The following HERC2 variants were observed in gnomAD, a reference collection of about 807,000 sequenced individuals.
The protein encoded by HERC2 is HECT and RLD domain containing E3 ubiquitin protein ligase 2.
HERC2 carries 102 observed loss-of-function variants against 537.7 expected under a neutral mutation model. The ratio of observed to expected loss-of-function variants is 0.19; its 90% CI spans 0.16 to 0.22. The LOEUF (loss-of-function observed/expected upper bound fraction) is 0.22. Among genes scored for constraint, HERC2 ranks in the 10% least tolerant of loss-of-function variants. HERC2 has a pLI of 1.00. For synonymous variants in HERC2, 2,224 were observed against 2,466.2 expected (o/e 0.90, Z 2.91); for missense variants, 4,236 against 6,198.2 (o/e 0.68, Z 10.63).
At position 28,274,963 on chromosome 15, in the gene HERC2, C is replaced by T. The variant is rs200168470; in HGVS notation, c.585G>A (p.Val195=). 1.2e-5 allele frequency: 19 copies of T among 1,609,652 alleles called. No individual in the cohort carries two copies. The highest frequency in any genetic ancestry group is 1.6e-5 in the Non-Finnish European group (19 of 1,179,978). ...AGKGVEGLAR[V]GSRAALSFAF... is the part of the protein sequence containing the mutation. Reference sequence around the variant, plus strand: ...CAAAAGACAGCGCCGCTCGGGATCCCACTCTGGCGAGCCCCTCCACACCTT... The same window carrying T: ...CAAAAGACAGCGCCGCTCGGGATCCTACTCTGGCGAGCCCCTCCACACCTT... Residue 195 remains valine, a synonymous_variant, in exon 6 of 93, where the codon GTG becomes GTA. Coordinates refer to ENST00000261609, the MANE Select transcript of HERC2 (RefSeq NM_004667.6).
chr15:28,319,990 T>C (rs543683518), intron 2 of HERC2: 53 of 152,304 alleles, frequency 3.5e-4, no homozygotes, highest in Middle Eastern at 6.8e-3. Flanking sequence ...CAGATCATTA[T>C]AGCTAAATCA....
At chr15:28,274,852 A>G in intron 6 of HERC2, 53 bp downstream of exon 6, 2 of 1,383,012 alleles carry the variant, frequency 1.4e-6, no homozygotes, top group Non-Finnish European at 2.1e-6. Flanking sequence ...TTCGAAACCC[A>G]GTCTGTTGAT....
At chr15:28,255,445 A>G (rs188327822) in intron 19 of HERC2, among the ~76,000 whole-genome samples, 6 of 151,782 alleles carry the variant, frequency 4.0e-5, no homozygotes, top group South Asian at 4.2e-4. Flanking sequence ...AAAAGAAGTC[A>G]CAATACACAC....
At position 28,245,551 on chromosome 15, in the gene HERC2, A is replaced by G. The variant is rs1329142305; in HGVS notation, c.3577+330T>C. On this transcript the variant is annotated intron_variant, in intron 23 of 92. Coordinates refer to ENST00000261609, the MANE Select transcript of HERC2 (RefSeq NM_004667.6). ...AACAGAGCAAGATGTAGTGTCAAAA[A>G]AAAAAAAAAATATATACACACACAC... is the stretch of plus-strand genomic sequence containing the variant. 4.6e-5 allele frequency among the ~76,000 whole-genome samples: 6 copies of G among 130,598 alleles called. No homozygotes were observed. The Admixed American group carries it at 5.1e-4, about 11-fold the overall frequency. 85.7% of individuals were successfully genotyped at this position (130,598 alleles called of 152,430 possible).
In HERC2 at chr15:28,132,857, G is replaced by A. The variant is rs760634622; in HGVS notation, c.12231-27C>T. ...TGCAAAAAAGTCACCAAATATAATG[G>A]AAACACATTTTTATTCTTAAACATT... On this transcript the variant is annotated intron_variant, in intron 79 of 92. Transcript: ENST00000261609. 54 of 1,495,266 alleles carry A rather than the reference G, an allele frequency of 3.6e-5. No homozygotes were observed. The Middle Eastern group carries it at 5.4e-4, about 15-fold the overall frequency. The allele number at this position is 1,495,266 out of a possible 1,614,324, so 92.6% of individuals were successfully genotyped here.
chr15:28,178,035 A>G (rs914913261), intron 59 of HERC2, among the ~76,000 whole-genome samples: 3 of 152,206 alleles, frequency 2.0e-5, no homozygotes, highest in Non-Finnish European at 4.4e-5. Context: ...CCACTCCTAT[A>G]CAGTGAGTTC....
chr15:28,273,420 G>A (rs1246827179), intron 7 of HERC2, among the ~76,000 whole-genome samples: 2 of 152,306 alleles, frequency 1.3e-5, no homozygotes, highest in Non-Finnish European at 2.9e-5. Context: ...GAGGCAAAAT[G>A]TCAACACTAA....
At position 28,124,411 on chromosome 15, in the gene HERC2, G is replaced by A. The variant is rs77500635; in HGVS notation, c.12991-177C>T. On this transcript the variant is annotated intron_variant, in intron 84 of 92. Coordinates refer to ENST00000261609, the MANE Select transcript of HERC2 (RefSeq NM_004667.6). ...TTTAAAATAATATTCTGTCCAGTTTGACTGTAAAAAAAATTAGTCTATACA... is the reference window on the plus strand; with the variant it reads ...TTTAAAATAATATTCTGTCCAGTTTAACTGTAAAAAAAATTAGTCTATACA... 0.014 allele frequency among the ~76,000 whole-genome samples: 2,157 copies of A among 152,310 alleles called. 149 individuals carry two copies. In the East Asian group the frequency reaches 0.23, roughly 16 times the overall value.
chr15:28,309,187 T>C (rs1428049742), intron 2 of HERC2, among the ~76,000 whole-genome samples: 1 of 152,240 alleles, frequency 6.6e-6, no homozygotes, highest in Non-Finnish European at 1.5e-5. Context: ...TGGTCTACAG[T>C]GCAGATTAAG....
At chr15:28,290,696 A>G (rs1200292068) in intron 4 of HERC2, among the ~76,000 whole-genome samples, 1 of 152,272 alleles carries the variant, frequency 6.6e-6, no homozygotes, top group Admixed American at 6.5e-5. Flanking sequence ...TGAAATAACA[A>G]TTTCCAAATA....
intron 69 of HERC2, among the ~76,000 whole-genome samples, chr15:28,154,518 C>T (rs1481882875): frequency 6.6e-6 from 1 of 152,172 alleles, no homozygotes; most frequent in Admixed American, 6.5e-5. Context: ...TGTGCAGAGT[C>T]GATCAGGGGC....
intron 36 of HERC2, 87 bp from the exon 37 acceptor site, chr15:28,220,731 G>A: frequency 9.0e-7 from 1 of 1,111,226 alleles, no homozygotes; most frequent in Non-Finnish European, 1.3e-6. Context: ...CAGTTAGGAG[G>A]GTGCATGCCC....
rs1456904902 is a variant in HERC2, at chr15:28,113,987, G to A, written c.13914-309C>T. 1.3e-5 allele frequency among the ~76,000 whole-genome samples: 2 copies of A among 152,078 alleles called. No homozygotes were observed. Among genetic ancestry groups the A allele is most frequent in the Non-Finnish European group, 2.9e-5 (2 of 68,030 alleles). On this transcript the variant is annotated intron_variant, in intron 90 of 92. Coordinates refer to ENST00000261609, the MANE Select transcript of HERC2 (RefSeq NM_004667.6). The surrounding 1 kb of genome is among the most constrained non-coding windows in gnomAD (Gnocchi z 7.0). Reference sequence around the variant, plus strand: ...GCCAGCACCAAGAGGGGAAACACATGTGCATCCGCCCCAGGCCCGAGACAC... The same window carrying A: ...GCCAGCACCAAGAGGGGAAACACATATGCATCCGCCCCAGGCCCGAGACAC...
chr15:28,125,286 T>A, intron 83 of HERC2, 93 bp from the exon 84 acceptor site: 1 of 991,788 alleles, frequency 1.0e-6, no homozygotes, highest in Non-Finnish European at 1.6e-6. Flanking sequence ...GCACCAACGC[T>A]CCCTGCCCTT....
chr15:28,186,385 T>C (rs1258317524), intron 56 of HERC2, among the ~76,000 whole-genome samples, 192 bp downstream of exon 56: 1 of 152,248 alleles, frequency 6.6e-6, no homozygotes, highest in Non-Finnish European at 1.5e-5. Flanking sequence ...TTTCTAAATA[T>C]AATGTGTTTC....
At position 28,114,616 on chromosome 15, in the gene HERC2, A is replaced by C. The variant is rs1468629039; in HGVS notation, c.13909T>G (p.Tyr4637Asp). ...RAEYVRLAIN[Y>D]RLHEFDEQVA... Reference sequence around the variant, plus strand: ...CAGAGACGGATGACCACCAACCTATAGTTTATCGCCAGCCGCACGTACTCC... The same window carrying C: ...CAGAGACGGATGACCACCAACCTATCGTTTATCGCCAGCCGCACGTACTCC... The change falls in exon 90 of 93, where the codon TAT becomes GAT. Residue 4637 changes from tyrosine (Y) to aspartate (D), a missense_variant. Physicochemically the swap from Tyr to Asp is radical, Grantham distance 160. Around this residue, in one of 27 missense-constraint regions of HERC2, gnomAD observed 313 missense variants for 462.6 expected, o/e 0.68. Transcript: ENST00000261609. 5 of 1,612,890 alleles carry C rather than the reference A, an allele frequency of 3.1e-6. No individual in the cohort carries two copies. Among genetic ancestry groups the C allele is most frequent in the Non-Finnish European group, 4.2e-6 (5 of 1,179,470 alleles).
At chr15:28,157,308 C>G (rs1893108375) in intron 69 of HERC2, among the ~76,000 whole-genome samples, 1 of 152,192 alleles carries the variant, frequency 6.6e-6, no homozygotes, top group Admixed American at 6.5e-5. Flanking sequence ...GGAATAGTTT[C>G]AGAAGGAATG....
In HERC2 at chr15:28,116,389, G is replaced by A. The variant is rs531793865; in HGVS notation, c.13609+276C>T. On this transcript the variant is annotated intron_variant, in intron 88 of 92. Transcript: ENST00000261609. ...CCACCACAGCCAGCTAATTTTTTTT[G>A]TATTTTTACTAGAGACGAGGTTTCA... 1.5e-4 allele frequency among the ~76,000 whole-genome samples: 22 copies of A among 151,682 alleles called. No individual in the cohort carries two copies. In the South Asian group the frequency reaches 4.4e-3, roughly 30 times the overall value.
intron 35 of HERC2, 79 bp downstream of exon 35, chr15:28,228,139 A>AC (rs2140573216): frequency 7.6e-7 from 1 of 1,308,958 alleles, no homozygotes; most frequent in Admixed American, 2.4e-5. Context: ...TAAAAAAAAA[A>AC]AAAAAGAAAA....
Sources: gnomAD v4.1 joint callset for allele counts (sites outside exome capture counted in the v4.1 genomes callset) on GRCh38, gnomAD v4.1.1 for gene constraint, gnomAD v4.1.1 regional missense constraint, Gnocchi (gnomAD v3.1) non-coding constraint, MANE v1.5 for transcripts, NCBI Gene and HGNC (gene_info 2026-07-23, HGNC 2026-07-21) for gene names.